SLCO2B1: variants seen among roughly 807,000 people sequenced by gnomAD.
SLCO2B1 encodes solute carrier organic anion transporter family member 2B1.
Under a neutral mutation model 67.3 loss-of-function variants are expected in SLCO2B1, and 41 were observed. The ratio of observed to expected loss-of-function variants is 0.61; its 90% CI spans 0.47 to 0.79. SLCO2B1 has a LOEUF of 0.79. SLCO2B1 is among the 30% of genes least tolerant of loss of function. The pLI, the probability that SLCO2B1 is intolerant of heterozygous loss-of-function variation, is 0.00. For synonymous variants in SLCO2B1, 379 were observed against 381.4 expected (o/e 0.99, Z 0.07); for missense variants, 837 against 920.1 (o/e 0.91, Z 1.17).
chr11:75,201,440 T>C (rs1256294446), intron 11 of SLCO2B1: 1 of 152,224 alleles, frequency 6.6e-6, no homozygotes, highest in South Asian at 2.1e-4. Context: ...CAGTGGACCC[T>C]AGCCAGTGTC....
rs554046931 is a variant in SLCO2B1 at position 75,163,731 on chromosome 11, C to G, written c.148-232C>G. ...CACCAGTAACCATCTCTCTCTGCCC[C>G]CTACCTCCTCTGGCCTTTCTTCCCT... On this transcript the variant is annotated intron_variant, in intron 2 of 13. Coordinates refer to ENST00000289575, the MANE Select transcript of SLCO2B1 (RefSeq NM_007256.5). Among the ~76,000 whole-genome samples the G allele has an allele frequency of 3.1e-3, 466 of 151,794 alleles. 3 individuals are homozygous for G. Among genetic ancestry groups the G allele is most frequent in the Admixed American group, 8.0e-3 (122 of 15,240 alleles).
Position 75,159,953 on chromosome 11 carries a change from T to A in SLCO2B1, c.17-2702T>A, listed in dbSNP as rs370338166. The A allele has an allele frequency of 4.6e-5, 34 of 739,244 alleles. 1 individual carries two copies. In the East Asian group the frequency reaches 9.0e-4, roughly 20 times the overall value. The allele number at this position is 739,244 out of a possible 1,614,324, so 45.8% of individuals were successfully genotyped here. Reference sequence around the variant, plus strand: ...AGGTGAGAGGCCAGGGGGCTGGAACTGGGGCTAGACAGGCTGGGGCACAGC... The same window carrying A: ...AGGTGAGAGGCCAGGGGGCTGGAACAGGGGCTAGACAGGCTGGGGCACAGC... On this transcript the variant is annotated intron_variant, in intron 1 of 13. Transcript: ENST00000289575.
intron 1 of SLCO2B1, among the ~76,000 whole-genome samples, chr11:75,154,851 T>C (rs944617436): frequency 1.3e-5 from 2 of 152,212 alleles, no homozygotes; most frequent in East Asian, 3.9e-4. Flanking sequence ...TGGGATAACA[T>C]GGACCCCTTA....
chr11:75,171,831 C>T (rs1949963884), intron 6 of SLCO2B1, among the ~76,000 whole-genome samples: 1 of 152,028 alleles, frequency 6.6e-6, no homozygotes, highest in Non-Finnish European at 1.5e-5. Context: ...GACAAACATC[C>T]CTGGGGATAT....
chr11:75,154,503 AAAC>A (rs888154598), intron 1 of SLCO2B1, among the ~76,000 whole-genome samples: 50 of 152,144 alleles, frequency 3.3e-4, no homozygotes, highest in Middle Eastern at 3.4e-3. Context: ...TCCATCTCAA[AAAC>A]AACAACAACA....
chr11:75,181,392 A>C (rs1390697028), intron 7 of SLCO2B1, among the ~76,000 whole-genome samples: 4 of 151,876 alleles, frequency 2.6e-5, no homozygotes, highest in African/African-American at 9.7e-5. Context: ...AAAAAAAGAA[A>C]AAAGAAAGCT....
chr11:75,162,800 C>T lies in SLCO2B1; in HGVS notation c.147+15C>T, dbSNP rs1389596469. 1 of 1,609,812 alleles carries T rather than the reference C, an allele frequency of 6.2e-7. No individual in the cohort carries two copies. The highest frequency in any genetic ancestry group is 8.5e-7 in the Non-Finnish European group (1 of 1,178,498). On this transcript the variant is annotated intron_variant, in intron 2 of 13. Transcript: ENST00000289575. ...ATAACATCAAGGTACCTCTCAGGGC[C>T]TGGCAGGGGCCTCCGAGTCTAGAAG...
Position 75,172,785 on chromosome 11 carries a change from C to T in SLCO2B1, c.972+216C>T, listed in dbSNP as rs576016877. On this transcript the variant is annotated intron_variant, in intron 7 of 13. Transcript: ENST00000289575. The stretch of plus-strand genomic sequence containing the variant: ...TCTACTAAAAATAGAAAAAATTAGC[C>T]GGGCATGGTGGTGGGCACCTGTAGT... Among the ~76,000 whole-genome samples the T allele has an allele frequency of 5.9e-5, 9 of 152,170 alleles. No homozygotes were observed. The East Asian group carries it at 1.5e-3, about 26-fold the overall frequency.
intron 1 of SLCO2B1, among the ~76,000 whole-genome samples, chr11:75,161,316 T>TA (rs1043446846): frequency 1.3e-5 from 2 of 152,166 alleles, no homozygotes; most frequent in African/African-American, 4.8e-5. Context: ...TACAGATGGG[T>TA]ACGGGACTTC....
rs1809016341 is a variant in SLCO2B1, at chr11:75,196,673, C to T, written c.1593C>T (p.Asn531=). ...SSWVVQDALD[N]SQVFYTNCSC... is the part of the protein sequence containing the mutation. ...GGGTGGTCCAGGATGCTCTGGACAACAGCCAGGTGAGTCAGGCCTCTCGTG... is the reference window on the plus strand; with the variant it reads ...GGGTGGTCCAGGATGCTCTGGACAATAGCCAGGTGAGTCAGGCCTCTCGTG... The change falls in exon 10 of 14, where the codon AAC becomes AAT. Residue 531 remains asparagine (N), a synonymous_variant. Coordinates refer to ENST00000289575, the MANE Select transcript of SLCO2B1 (RefSeq NM_007256.5). 3 of 1,612,838 alleles carry T rather than the reference C, an allele frequency of 1.9e-6. No homozygotes were observed. The highest frequency in any genetic ancestry group is 1.3e-5 in the African/African-American group (1 of 74,922).
At chr11:75,202,498 CTGGTGTTG>C (rs1945197266) in intron 11 of SLCO2B1, 1 of 211,098 alleles carries the variant, frequency 4.7e-6, no homozygotes, top group African/African-American at 2.5e-5. Context: ...ATGCCAGCCA[CTGGTGTTG>C]TCTGGCAGGA....
chr11:75,194,363 G>A (rs1429452205), intron 9 of SLCO2B1, among the ~76,000 whole-genome samples: 3 of 152,146 alleles, frequency 2.0e-5, no homozygotes. Context: ...CCCAACACTC[G>A]GCTAGAATTT....
intron 1 of SLCO2B1, among the ~76,000 whole-genome samples, chr11:75,159,507 T>A (rs1949787927): frequency 6.6e-6 from 1 of 152,208 alleles, no homozygotes; most frequent in African/African-American, 2.4e-5. Context: ...CTCAGTGCCC[T>A]TCCACAGGAG....
intron 1 of SLCO2B1, among the ~76,000 whole-genome samples, chr11:75,153,145 G>A (rs1949711306): frequency 6.6e-6 from 1 of 152,132 alleles, no homozygotes; most frequent in African/African-American, 2.4e-5. Flanking sequence ...ATCCCATTCT[G>A]GTGACATTTG....
At chr11:75,203,177 G>A in intron 12 of SLCO2B1, 130 bp from the exon 13 acceptor site, 1 of 1,359,122 alleles carries the variant, frequency 7.4e-7, no homozygotes, top group African/African-American at 1.4e-5. Flanking sequence ...ATGCAGGGGT[G>A]GGGCGGGCTT....
Position 75,193,704 on chromosome 11 carries a change from C to T in SLCO2B1, c.1433+129C>T. On this transcript the variant is annotated intron_variant, in intron 9 of 13. Coordinates refer to ENST00000289575, the MANE Select transcript of SLCO2B1 (RefSeq NM_007256.5). The surrounding 1 kb of genome is among the most constrained non-coding windows in gnomAD (Gnocchi z 4.2). ...ATCTTGCCTCCCCAGTTCTGCTTAA[C>T]AGCCCTTTAGAGATTCGAGTCAAGC... is the stretch of plus-strand genomic sequence containing the variant. 2.5e-6 allele frequency: 2 copies of T among 795,432 alleles called. No individual in the cohort carries two copies. The highest frequency in any genetic ancestry group is 3.9e-6 in the Non-Finnish European group (2 of 517,806). The allele number at this position is 795,432 out of a possible 1,614,324, so 49.3% of individuals were successfully genotyped here.
Position 75,169,317 on chromosome 11 carries a change from T to A in SLCO2B1, c.593T>A (p.Leu198Gln). ...GGGATCATGTTCGTGGCACAGACCC[T>A]GCTGGGCGTGGGCGGGGTGCCCATT... ...VVGIMFVAQT[L>Q]LGVGGVPIQP... Residue 198 changes from leucine (L) to glutamine (Q), a missense_variant, in exon 5 of 14, where the codon CTG (leucine) becomes CAG (glutamine). Transcript: ENST00000289575. 6.2e-7 allele frequency: 1 copy of A among 1,614,162 alleles called. No individual in the cohort carries two copies. Among genetic ancestry groups the A allele is most frequent in the South Asian group, 1.1e-5 (1 of 91,072 alleles).
chr11:75,189,634 T>C (rs532710059), intron 8 of SLCO2B1, among the ~76,000 whole-genome samples: 40 of 152,208 alleles, frequency 2.6e-4, no homozygotes, highest in African/African-American at 9.6e-4. Flanking sequence ...AGGCCTATTC[T>C]TGGGAAGAGC....
chr11:75,167,074 C>T (rs1949902276), intron 4 of SLCO2B1, among the ~76,000 whole-genome samples: 1 of 152,100 alleles, frequency 6.6e-6, no homozygotes, highest in Non-Finnish European at 1.5e-5. Flanking sequence ...CCAGAGGAGG[C>T]CATTAGAGCC....
Sources: allele counts gnomAD v4.1 joint callset (sites outside exome capture counted in the v4.1 genomes callset), GRCh38; gene constraint gnomAD v4.1.1; non-coding constraint Gnocchi (gnomAD v3.1); transcripts MANE v1.5; gene names NCBI Gene and HGNC (gene_info 2026-07-23, HGNC 2026-07-21).